Variants in FBXO36 observed in about 807,000 individuals in gnomAD.
The protein encoded by FBXO36 is F-box only protein 36.
A neutral mutation model predicts 17.0 loss-of-function variants in FBXO36; 18 were observed. The ratio of observed to expected loss-of-function variants is 1.06; its 90% CI spans 0.73 to 1.57. The LOEUF (loss-of-function observed/expected upper bound fraction) is 1.57. Among genes scored for constraint, FBXO36 ranks in the 40% most tolerant of loss-of-function variants. The pLI is 0.00. For synonymous variants in FBXO36, 83 were observed against 85.3 expected (o/e 0.97, Z 0.15); for missense variants, 229 against 221.9 (o/e 1.03, Z -0.20).
chr2:229,958,357 A>C (rs2077102200), intron 1 of FBXO36, among the ~76,000 whole-genome samples: 1 of 133,500 alleles, frequency 7.5e-6, no homozygotes, highest in African/African-American at 2.9e-5. Context: ...TGCAACCTCC[A>C]CCTCCTGGGT....
At chr2:229,960,884 G>A (rs1435875591) in intron 1 of FBXO36, among the ~76,000 whole-genome samples, 4 of 152,112 alleles carry the variant, frequency 2.6e-5, no homozygotes, top group Non-Finnish European at 5.9e-5. Context: ...CAAGGCGGGC[G>A]GATCACCTGA....
intron 2 of FBXO36, among the ~76,000 whole-genome samples, chr2:229,981,595 A>T (rs1234801542): frequency 6.6e-6 from 1 of 151,342 alleles, no homozygotes; most frequent in Non-Finnish European, 1.5e-5. Context: ...CCAGTTACTC[A>T]GGAGGCTGAG....
chr2:229,979,991 C>T (rs2077229645), intron 2 of FBXO36, among the ~76,000 whole-genome samples: 1 of 152,090 alleles, frequency 6.6e-6, no homozygotes, highest in Admixed American at 6.6e-5. Flanking sequence ...CTATGCAGCT[C>T]ACTATAAAGT....
Position 229,938,216 on chromosome 2 carries a change from C to CTTTTTTT in FBXO36, c.96+15623_96+15629dup, listed in dbSNP as rs71049603. Among the ~76,000 whole-genome samples the CTTTTTTT allele has an allele frequency of 6.0e-3, 442 of 73,162 alleles. 8 individuals are homozygous for CTTTTTTT. Among genetic ancestry groups the CTTTTTTT allele is most frequent in the East Asian group, 0.01 (22 of 2,168 alleles). 48.0% of individuals were successfully genotyped at this position (73,162 alleles called of 152,430 possible). On this transcript the variant is annotated intron_variant, in intron 1 of 3. Transcript: ENST00000283946. ...AACCGGATTGGTTAGATACAACTTTCTTTTTTTTTTTTTTTTTTTTTTGAG... is the reference window on the plus strand; with the variant it reads ...AACCGGATTGGTTAGATACAACTTTCTTTTTTTTTTTTTTTTTTTTTTTTTTTTTGAG...
chr2:229,982,286 G>A (rs777975544), intron 2 of FBXO36, among the ~76,000 whole-genome samples: 2 of 151,896 alleles, frequency 1.3e-5, no homozygotes, highest in South Asian at 2.1e-4. Context: ...TTGGCCTCCC[G>A]TAGTGCTGGG....
In FBXO36 at chr2:229,996,799, A is replaced by G. The variant is rs1057372884; in HGVS notation, c.254A>G (p.Asn85Ser). The G allele has an allele frequency of 1.2e-6, 2 of 1,613,376 alleles. No homozygotes were observed. Among genetic ancestry groups the G allele is most frequent in the South Asian group, 1.1e-5 (1 of 90,948 alleles). ...GCAAGAATATTAGACTATGTCATCA[A>G]TTTGTGCAAAGGTAAATTTGACTTC... ...FGARILDYVINLCKGKFDFLE... is the reference protein window; with the variant it reads ...FGARILDYVISLCKGKFDFLE... Residue 85 changes from asparagine (N) to serine (S), a missense_variant, in exon 3 of 4, where the codon AAT becomes AGT. Coordinates refer to ENST00000283946, the MANE Select transcript of FBXO36 (RefSeq NM_174899.5).
intron 1 of FBXO36, among the ~76,000 whole-genome samples, chr2:229,938,214 T>A (rs2076975840): frequency 7.6e-6 from 1 of 131,440 alleles, no homozygotes; most frequent in African/African-American, 3.0e-5. Flanking sequence ...AGATACAACT[T>A]TCTTTTTTTT....
chr2:229,983,715 A>T (rs1256323057), intron 2 of FBXO36, among the ~76,000 whole-genome samples: 1 of 152,234 alleles, frequency 6.6e-6, no homozygotes, highest in Non-Finnish European at 1.5e-5. Flanking sequence ...AATGTTGCTT[A>T]ATACAGACTA....
intron 1 of FBXO36, among the ~76,000 whole-genome samples, chr2:229,929,827 C>T (rs564597992): frequency 1.3e-5 from 2 of 152,274 alleles, no homozygotes; most frequent in Non-Finnish European, 2.9e-5. Context: ...CCACTGCCCT[C>T]CAGCTTGTGC....
rs952500007 is a variant in FBXO36, at chr2:229,968,138, A to G, written c.97-8103A>G. Among the ~76,000 whole-genome samples, 33 of 151,748 alleles carry G rather than the reference A, an allele frequency of 2.2e-4. 1 individual carries two copies. Among genetic ancestry groups the G allele is most frequent in the African/African-American group, 7.2e-4 (30 of 41,414 alleles). ...TCCTAAATCATTTATTCCTAAATCAATATTTTTAATCTGATTTGAGAAGTT... is the reference window on the plus strand; with the variant it reads ...TCCTAAATCATTTATTCCTAAATCAGTATTTTTAATCTGATTTGAGAAGTT... On this transcript the variant is annotated intron_variant, in intron 1 of 3. Transcript: ENST00000283946.
chr2:230,009,662 C>G (rs913557967), intron 3 of FBXO36, among the ~76,000 whole-genome samples: 2 of 151,990 alleles, frequency 1.3e-5, no homozygotes, highest in Non-Finnish European at 2.9e-5. Context: ...ATACAACTTC[C>G]GGCCGGGCAC....
chr2:229,970,199 G>A (rs539012902), intron 1 of FBXO36, among the ~76,000 whole-genome samples: 4 of 152,156 alleles, frequency 2.6e-5, no homozygotes, highest in South Asian at 4.1e-4. Flanking sequence ...ATATTCATAC[G>A]AAAACCTACA....
chr2:229,956,502 A>G (rs2077088386), intron 1 of FBXO36, among the ~76,000 whole-genome samples: 1 of 152,196 alleles, frequency 6.6e-6, no homozygotes, highest in Non-Finnish European at 1.5e-5. Context: ...AGAGGGAAGG[A>G]GGGATGCAGA....
chr2:229,996,691 T>G (rs1219052518), intron 2 of FBXO36, 60 bp from the exon 3 acceptor site: 14 of 1,504,624 alleles, frequency 9.3e-6, no homozygotes, highest in Middle Eastern at 2.5e-4. Flanking sequence ...TTTCACTGAT[T>G]GTTATTATAA....
rs765708957 is a variant in FBXO36 at position 229,996,931 on chromosome 2, T to C, written c.378+8T>C. Reference sequence around the variant, plus strand: ...TCACACAGATTTGCAAAGGTAACGGTCAATTATTTTATGTCTATATAGAAT... The same window carrying C: ...TCACACAGATTTGCAAAGGTAACGGCCAATTATTTTATGTCTATATAGAAT... On this transcript the variant is annotated splice_region_variant and intron_variant, in intron 3 of 3. Transcript: ENST00000283946. The C allele has an allele frequency of 6.2e-7, 1 of 1,603,618 alleles. No homozygotes were observed. The highest frequency in any genetic ancestry group is 8.5e-7 in the Non-Finnish European group (1 of 1,177,048).
intron 1 of FBXO36, among the ~76,000 whole-genome samples, chr2:229,949,069 G>A (rs1372639880): frequency 1.3e-5 from 2 of 152,140 alleles, no homozygotes; most frequent in South Asian, 2.1e-4. Flanking sequence ...TCCTGACCTC[G>A]TGATCCGCCC....
At chr2:229,942,256 C>T (rs2077003421) in intron 1 of FBXO36, among the ~76,000 whole-genome samples, 2 of 152,186 alleles carry the variant, frequency 1.3e-5, no homozygotes, top group African/African-American at 4.8e-5. Context: ...CACCACAACC[C>T]TGTGCTGGAG....
chr2:229,937,466 G>A (rs1450224783), intron 1 of FBXO36, among the ~76,000 whole-genome samples: 1 of 152,134 alleles, frequency 6.6e-6, no homozygotes, highest in Non-Finnish European at 1.5e-5. Flanking sequence ...TTGCACTTCA[G>A]CCTAGGTGAC....
chr2:230,004,432 A>T (rs2077375754), intron 3 of FBXO36, among the ~76,000 whole-genome samples: 1 of 152,208 alleles, frequency 6.6e-6, no homozygotes, highest in African/African-American at 2.4e-5. Context: ...CAGATTGGAA[A>T]TGTTTAAAAA....
Sources: gnomAD v4.1 joint callset for allele counts (sites outside exome capture counted in the v4.1 genomes callset) on GRCh38, gnomAD v4.1.1 for gene constraint, MANE v1.5 for transcripts, NCBI Gene and HGNC (gene_info 2026-07-23, HGNC 2026-07-21) for gene names.